Variants in DCC observed in about 807,000 individuals in gnomAD.
The protein encoded by DCC is netrin receptor DCC.
Under a neutral mutation model 172.5 loss-of-function variants are expected in DCC, and 58 were observed. That is an observed-to-expected ratio of 0.34 (90% CI 0.27 to 0.42). The LOEUF (loss-of-function observed/expected upper bound fraction) is 0.42, where lower values mean the gene tolerates loss of function less well. Ranked by LOEUF, DCC falls within the 10% of genes least tolerant of loss-of-function variation. The pLI, the probability that DCC is intolerant of heterozygous loss-of-function variation, is 1.00. For missense variants in DCC, 1,740 were observed against 1,791.0 expected (o/e 0.97, Z 0.51); for synonymous variants, 709 against 644.5 (o/e 1.10, Z -1.52).
In DCC at chr18:53,356,246, T is replaced by C. The variant is rs140194122; in HGVS notation, c.2359+16339T>C. Among the ~76,000 whole-genome samples, 271 of 152,216 alleles carry C rather than the reference T, an allele frequency of 1.8e-3. 2 individuals carry two copies. The highest frequency in any genetic ancestry group is 1.1e-3 in the Non-Finnish European group (74 of 68,010). ...CCACTCAGTCTCTCCTCTACCTTCT[T>C]GAATATATAGAATACAGTCATAATA... On this transcript the variant is annotated intron_variant, in intron 15 of 28. Coordinates refer to ENST00000442544, the MANE Select transcript of DCC (RefSeq NM_005215.4).
In DCC at chr18:53,066,353, GTATATATATATATATA is replaced by G. The variant is rs10526030; in HGVS notation, c.1261+217_1261+232del. 7.0e-3 allele frequency among the ~76,000 whole-genome samples: 660 copies of G among 94,616 alleles called. 8 individuals carry two copies. The highest frequency in any genetic ancestry group is 0.03 in the East Asian group (109 of 3,610). 62.1% of individuals were successfully genotyped at this position (94,616 alleles called of 152,430 possible). ...TAGAAAATTGTGTGTGTACATGTGT[GTATATATATATATATA>G]TATATATATATATATATATATATAT... On this transcript the variant is annotated intron_variant, in intron 7 of 28. Transcript: ENST00000442544.
At chr18:52,769,728 T>A (rs2037309494) in intron 2 of DCC, among the ~76,000 whole-genome samples, 1 of 152,206 alleles carries the variant, frequency 6.6e-6, no homozygotes, top group African/African-American at 2.4e-5. Context: ...ATTTTACATT[T>A]ACATCTGTGA....
chr18:53,157,647 T>A (rs2054765061), intron 8 of DCC, 135 bp downstream of exon 8: 8 of 858,002 alleles, frequency 9.3e-6, no homozygotes, highest in Non-Finnish European at 1.5e-5. Flanking sequence ...CTTCACTCAT[T>A]CCCCAGTGGA....
intron 5 of DCC, among the ~76,000 whole-genome samples, chr18:52,969,014 C>CA (rs780011254): frequency 3.8e-4 from 58 of 151,536 alleles, no homozygotes; most frequent in Non-Finnish European, 5.3e-4. Context: ...AAAACAACAA[C>CA]AACAAAAAAA....
At chr18:52,756,265 A>G (rs2037074779) in intron 2 of DCC, among the ~76,000 whole-genome samples, 1 of 152,218 alleles carries the variant, frequency 6.6e-6, no homozygotes, top group Non-Finnish European at 1.5e-5. Context: ...CGCTGAACTT[A>G]TCTATGAAGC....
At chr18:53,063,032 G>A (rs1002058760) in intron 5 of DCC, among the ~76,000 whole-genome samples, 5 of 151,678 alleles carry the variant, frequency 3.3e-5, no homozygotes, top group African/African-American at 1.2e-4. Flanking sequence ...TATTCAGAAT[G>A]TTTATTATGT....
At position 53,526,077 on chromosome 18, in the gene DCC, A is replaced by C. The variant is rs192911538; in HGVS notation, c.4112-540A>C. The stretch of plus-strand genomic sequence containing the variant: ...TATTGACAAAAGCCATACAAAAAAA[A>C]CCAGAATTACATCTTTTTTGTTCCA... On this transcript the variant is annotated intron_variant, in intron 27 of 28. Transcript: ENST00000442544. Among the ~76,000 whole-genome samples the C allele has an allele frequency of 2.7e-3, 413 of 151,884 alleles. 2 individuals are homozygous for C. Among genetic ancestry groups the C allele is most frequent in the African/African-American group, 9.6e-3 (398 of 41,378 alleles).
intron 12 of DCC, among the ~76,000 whole-genome samples, chr18:53,257,657 T>C (rs1292797751): frequency 2.0e-5 from 3 of 151,606 alleles, no homozygotes; most frequent in Admixed American, 6.5e-5. Context: ...TCAGGGATAT[T>C]GGTCTAGAAT....
intron 1 of DCC, among the ~76,000 whole-genome samples, chr18:52,733,685 A>G (rs999213402): frequency 5.9e-5 from 9 of 152,042 alleles, no homozygotes; most frequent in African/African-American, 2.2e-4. Context: ...TTGTAAAGAC[A>G]TGTTCTCGCT....
chr18:52,991,402 A>G (rs2041389633), intron 5 of DCC, among the ~76,000 whole-genome samples: 1 of 152,322 alleles, frequency 6.6e-6, no homozygotes, highest in Admixed American at 6.5e-5. Flanking sequence ...ACTTATTGGC[A>G]GATTGAAGGG....
At chr18:53,160,225 A>T (rs971761290) in intron 8 of DCC, among the ~76,000 whole-genome samples, 1 of 152,144 alleles carries the variant, frequency 6.6e-6, no homozygotes, top group Non-Finnish European at 1.5e-5. Context: ...TTATACCATG[A>T]ACCTTGACAA....
At chr18:53,430,343 C>G (rs1012483372) in intron 21 of DCC, among the ~76,000 whole-genome samples, 1 of 152,124 alleles carries the variant, frequency 6.6e-6, no homozygotes, top group African/African-American at 2.4e-5. Flanking sequence ...ATGACCCTCT[C>G]TTATGCCCAT....
chr18:52,951,367 C>T (rs531457761), intron 5 of DCC, among the ~76,000 whole-genome samples: 32 of 152,174 alleles, frequency 2.1e-4, no homozygotes, highest in African/African-American at 7.2e-4. Flanking sequence ...CTGCACCTAT[C>T]AACCCATCAT....
chr18:53,301,941 G>T (rs528208277), intron 12 of DCC, among the ~76,000 whole-genome samples: 96 of 152,234 alleles, frequency 6.3e-4, no homozygotes, highest in African/African-American at 2.3e-3. Flanking sequence ...TAAAAAACAG[G>T]CATTTATTTT....
chr18:53,431,106 A>G (rs112920108), intron 21 of DCC, among the ~76,000 whole-genome samples: 1 of 152,084 alleles, frequency 6.6e-6, no homozygotes, highest in Non-Finnish European at 1.5e-5. Context: ...TTAAATATAT[A>G]AAAGCTATTT....
chr18:52,581,733 T>C (rs1161830403), intron 1 of DCC, among the ~76,000 whole-genome samples: 1 of 152,206 alleles, frequency 6.6e-6, no homozygotes, highest in Non-Finnish European at 1.5e-5. Flanking sequence ...TGCTGGTGAC[T>C]TTCTAGACTA....
rs190217959 is a variant in DCC at position 52,599,358 on chromosome 18, A to G, written c.92-152696A>G. On this transcript the variant is annotated intron_variant, in intron 1 of 28. Coordinates refer to ENST00000442544, the MANE Select transcript of DCC (RefSeq NM_005215.4). ...AGTGTATATTTTGAGCTTTGAGGAC[A>G]TGTGGTCTTTGTCATAACTATTCAA... Among the ~76,000 whole-genome samples, 96 of 152,286 alleles carry G rather than the reference A, an allele frequency of 6.3e-4. 2 individuals carry two copies. Among genetic ancestry groups the G allele is most frequent in the African/African-American group, 2.1e-3 (88 of 41,556 alleles).
At chr18:53,291,421 T>G (rs1208292237) in intron 12 of DCC, among the ~76,000 whole-genome samples, 1 of 152,180 alleles carries the variant, frequency 6.6e-6, no homozygotes, top group Non-Finnish European at 1.5e-5. Flanking sequence ...ACCTTCTTTC[T>G]CTTTGACTCA....
At chr18:52,559,462 G>T (rs2032988905) in intron 1 of DCC, among the ~76,000 whole-genome samples, 1 of 152,104 alleles carries the variant, frequency 6.6e-6, no homozygotes, top group Non-Finnish European at 1.5e-5. Context: ...TTTATCTCCT[G>T]TAAAAAGAGA....
Sources: gnomAD v4.1 joint callset for allele counts (sites outside exome capture counted in the v4.1 genomes callset) on GRCh38, gnomAD v4.1.1 for gene constraint, MANE v1.5 for transcripts, NCBI Gene and HGNC (gene_info 2026-07-23, HGNC 2026-07-21) for gene names.